The following FAM13C variants were observed in gnomAD, a reference collection of about 807,000 sequenced individuals.
FAM13C encodes the protein protein FAM13C.
FAM13C carries 37 observed loss-of-function variants against 73.2 expected under a neutral mutation model. That is an observed-to-expected ratio of 0.51 (90% confidence interval 0.39 to 0.67). The LOEUF (loss-of-function observed/expected upper bound fraction) is 0.67. Ranked by LOEUF, FAM13C falls within the 30% of genes least tolerant of loss-of-function variation. The pLI is 0.00. For missense variants in FAM13C, 589 were observed against 715.6 expected, an observed-to-expected ratio of 0.82 and a Z score of 2.02; for synonymous variants, 246 against 260.9, an observed-to-expected ratio of 0.94 and a Z score of 0.55.
chr10:59,300,262 G>C (rs1847435885), intron 5 of FAM13C, among the ~76,000 whole-genome samples: 1 of 152,164 alleles, frequency 6.6e-6, no homozygotes, highest in Non-Finnish European at 1.5e-5. Flanking sequence ...GAATGTATAA[G>C]GTACGTAGGT....
chr10:59,251,564 C>T lies in FAM13C; in HGVS notation c.1634+11G>A, dbSNP rs759395896. The T allele has an allele frequency of 1.9e-6, 3 of 1,608,708 alleles. No individual in the cohort carries two copies. The highest frequency in any genetic ancestry group is 1.1e-5 in the South Asian group (1 of 90,948). On this transcript the variant is annotated intron_variant, in intron 13 of 13. Transcript: ENST00000618804. ...AGTATTAGCTTTAAAAATCTCTCTG[C>T]CGACACATACCTTCCTGTTTGTTTA...
intron 8 of FAM13C, among the ~76,000 whole-genome samples, chr10:59,264,407 G>A (rs1457915147): frequency 6.6e-6 from 1 of 152,102 alleles, no homozygotes; most frequent in East Asian, 1.9e-4. Flanking sequence ...TCCTTGCTAT[G>A]GGCACTATTT....
At position 59,362,443 on chromosome 10, in the gene FAM13C, A is replaced by G. The variant is rs773501054; in HGVS notation, c.18T>C (p.Cys6=). 6.2e-7 allele frequency: 1 copy of G among 1,614,000 alleles called. No homozygotes were observed. The highest frequency in any genetic ancestry group is 2.2e-5 in the East Asian group (1 of 44,880). The change falls in exon 1 of 14, where the codon TGT becomes TGC. Residue 6 remains cysteine, a synonymous_variant. Transcript: ENST00000618804. ...TGAAGGAATTATCCTGAAGGCTGAA[A>G]CAGAAACAAGAAAACATCAGCCAAG... is the stretch of plus-strand genomic sequence containing the variant. MFSCF[C]FSLQDNSFSS...
intron 6 of FAM13C, 74 bp downstream of exon 6, chr10:59,283,289 C>G: frequency 6.7e-7 from 1 of 1,502,122 alleles, no homozygotes. Context: ...GGGGCTCAGG[C>G]TGAGTGTGAA....
chr10:59,299,559 A>G (rs1328508999), intron 5 of FAM13C, among the ~76,000 whole-genome samples: 1 of 151,714 alleles, frequency 6.6e-6, no homozygotes, highest in Non-Finnish European at 1.5e-5. Context: ...TTCTTTATAA[A>G]TATGTTATTT....
Position 59,279,248 on chromosome 10 carries a change from G to C in FAM13C, c.592+4115C>G, listed in dbSNP as rs531869286. 5.3e-4 allele frequency among the ~76,000 whole-genome samples: 80 copies of C among 152,208 alleles called. 1 individual carries two copies. The highest frequency in any genetic ancestry group is 1.9e-3 in the African/African-American group (77 of 41,534). Reference sequence around the variant, plus strand: ...TCTCAGACAGCTGTAAATTTGATAAGCATTTCCAATTAATTGAAAACTTCT... The same window carrying C: ...TCTCAGACAGCTGTAAATTTGATAACCATTTCCAATTAATTGAAAACTTCT... On this transcript the variant is annotated intron_variant, in intron 6 of 13. Coordinates refer to ENST00000618804, the MANE Select transcript of FAM13C (RefSeq NM_198215.4).
Position 59,324,116 on chromosome 10 carries a change from G to T in FAM13C, c.325-10C>A, listed in dbSNP as rs772846429. 6.2e-6 allele frequency: 10 copies of T among 1,606,884 alleles called. No individual in the cohort carries two copies. The East Asian group carries it at 2.2e-4, about 36-fold the overall frequency. ...CCACATGCTCTGTCTCCTGCAAGAA[G>T]AAAGAGCAAAAGTAGATGAGCTGTC... On this transcript the variant is annotated splice_polypyrimidine_tract_variant and intron_variant, in intron 3 of 13. Coordinates refer to ENST00000618804, the MANE Select transcript of FAM13C (RefSeq NM_198215.4).
intron 1 of FAM13C, among the ~76,000 whole-genome samples, chr10:59,356,302 T>A (rs535502803): frequency 6.6e-6 from 1 of 152,262 alleles, no homozygotes; most frequent in East Asian, 1.9e-4. Flanking sequence ...ATTACATGCC[T>A]CTTTGCATTT....
intron 3 of FAM13C, among the ~76,000 whole-genome samples, chr10:59,346,418 C>A (rs1854297294): frequency 6.6e-6 from 1 of 152,202 alleles, no homozygotes; most frequent in Non-Finnish European, 1.5e-5. Flanking sequence ...CCTCTTAACA[C>A]ATCTACAGGG....
intron 1 of FAM13C, among the ~76,000 whole-genome samples, chr10:59,360,486 T>C (rs1440351650): frequency 1.3e-5 from 2 of 152,116 alleles, no homozygotes; most frequent in Non-Finnish European, 2.9e-5. Context: ...CCTGAGAACC[T>C]GCTATGTCTG....
intron 4 of FAM13C, among the ~76,000 whole-genome samples, chr10:59,307,007 G>A (rs566329444): frequency 2.0e-5 from 3 of 151,820 alleles, no homozygotes; most frequent in African/African-American, 2.4e-5. Flanking sequence ...AAAGAGATGC[G>A]GTAATCAAAA....
chr10:59,286,343 C>T lies in FAM13C; in HGVS notation c.508-2896G>A, dbSNP rs188303928. Among the ~76,000 whole-genome samples the T allele has an allele frequency of 1.3e-4, 19 of 151,330 alleles. 1 individual carries two copies. In the East Asian group the frequency reaches 3.7e-3, roughly 30 times the overall value. ...CAGGCTGGCTAACATGGGGAAACCT[C>T]GTCTATACTAAAAATATAAAAATTA... On this transcript the variant is annotated intron_variant, in intron 5 of 13. Coordinates refer to ENST00000618804, the MANE Select transcript of FAM13C (RefSeq NM_198215.4).
At chr10:59,356,053 ACTCCCTATCATTCT>A in intron 1 of FAM13C, 110 bp from the exon 2 acceptor site, 1 of 964,690 alleles carries the variant, frequency 1.0e-6, no homozygotes, top group South Asian at 1.3e-5. Context: ...AAGATGAAAC[ACTCCCTATCATTCT>A]CTCCCAAATA....
At chr10:59,269,731 G>T (rs1362111138) in intron 7 of FAM13C, among the ~76,000 whole-genome samples, 168 bp downstream of exon 7, 2 of 152,168 alleles carry the variant, frequency 1.3e-5, no homozygotes, top group African/African-American at 4.8e-5. Context: ...GCCTGCAATG[G>T]CATCCCCAAC....
chr10:59,272,712 T>C (rs1843855089), intron 6 of FAM13C, among the ~76,000 whole-genome samples: 2 of 152,164 alleles, frequency 1.3e-5, no homozygotes, highest in Admixed American at 1.3e-4. Flanking sequence ...TCCCCACCTC[T>C]CTTTTTCATT....
rs78422182 is a variant in FAM13C, at chr10:59,265,335, G to GTGGA, written c.943-1170_943-1169insTCCA. ...AAGGGGTTTTGGCGGGGGGGGGGGG[G>GTGGA]AATCCTGGTTTCAGGACCATGGACA... On this transcript the variant is annotated intron_variant, in intron 8 of 13. Transcript: ENST00000618804. Among the ~76,000 whole-genome samples the GTGGA allele has an allele frequency of 3.1e-4, 5 of 16,056 alleles. 1 individual carries two copies. The highest frequency in any genetic ancestry group is 1.8e-3 in the South Asian group (1 of 570). 10.5% of individuals were successfully genotyped at this position (16,056 alleles called of 152,430 possible). A position where few individuals can be genotyped will look rare whatever the true frequency, so the allele number is the denominator to read the frequency against.
At chr10:59,270,552 A>C (rs1201082737) in intron 6 of FAM13C, among the ~76,000 whole-genome samples, 1 of 152,144 alleles carries the variant, frequency 6.6e-6, no homozygotes, top group Non-Finnish European at 1.5e-5. Flanking sequence ...GAAAAGAGAG[A>C]AAAGAAAAAC....
At chr10:59,272,275 T>C (rs1057221410) in intron 6 of FAM13C, among the ~76,000 whole-genome samples, 3 of 152,164 alleles carry the variant, frequency 2.0e-5, no homozygotes, top group African/African-American at 4.8e-5. Flanking sequence ...AAGCAACCAA[T>C]TGAAAAGCAA....
At chr10:59,280,947 T>G (rs949065899) in intron 6 of FAM13C, among the ~76,000 whole-genome samples, 5 of 152,344 alleles carry the variant, frequency 3.3e-5, no homozygotes, top group Admixed American at 1.3e-4. Flanking sequence ...GGTATTCTTA[T>G]GAAAATCACT....
Sources: gnomAD v4.1 joint callset for allele counts (sites outside exome capture counted in the v4.1 genomes callset) on GRCh38, gnomAD v4.1.1 for gene constraint, MANE v1.5 for transcripts, NCBI Gene and HGNC (gene_info 2026-07-23, HGNC 2026-07-21) for gene names.